PTGER3: variants seen among roughly 807,000 people sequenced by gnomAD.
PTGER3 encodes prostaglandin E2 receptor EP3 subtype.
A neutral mutation model predicts 34.7 loss-of-function variants in PTGER3; 22 were observed. The observed-to-expected ratio is 0.63, with a 90% CI of 0.45 to 0.91. The LOEUF (loss-of-function observed/expected upper bound fraction) is 0.91. Among genes scored for constraint, PTGER3 ranks in the 40% least tolerant of loss-of-function variants. The pLI is 0.00. For synonymous variants in PTGER3, 241 were observed against 230.1 expected (o/e 1.05, Z -0.43); for missense variants, 468 against 519.4 (o/e 0.90, Z 0.96).
downstream of PTGER3, among the ~76,000 whole-genome samples, chr1:70,967,885 T>C (rs926425226): frequency 6.6e-6 from 1 of 152,188 alleles, no homozygotes; most frequent in African/African-American, 2.4e-5. Flanking sequence ...TGTGGATATA[T>C]TTTATTATGT....
intron 1 of PTGER3, among the ~76,000 whole-genome samples, chr1:71,034,358 T>C (rs761451732): frequency 1.1e-4 from 16 of 152,222 alleles, no homozygotes; most frequent in East Asian, 3.8e-4. Flanking sequence ...TATAAGATGA[T>C]ATATATGCTA....
At chr1:70,937,491 C>T (rs1649334175) in intron 4 of PTGER3, among the ~76,000 whole-genome samples, 1 of 152,056 alleles carries the variant, frequency 6.6e-6, no homozygotes, top group Non-Finnish European at 1.5e-5. Flanking sequence ...CCACATAATC[C>T]ATAAAGTACA....
chr1:70,969,432 T>C (rs1212876190), downstream of PTGER3, among the ~76,000 whole-genome samples: 2 of 152,164 alleles, frequency 1.3e-5, no homozygotes, highest in African/African-American at 4.8e-5. Flanking sequence ...TGTCAAACAC[T>C]ACACTAGTGC....
At chr1:70,935,044 G>A (rs540006502) in intron 4 of PTGER3, among the ~76,000 whole-genome samples, 1 of 152,202 alleles carries the variant, frequency 6.6e-6, no homozygotes, top group African/African-American at 2.4e-5. Context: ...TTTATATTCT[G>A]GAGATAGAAA....
At chr1:71,046,379 C>T (rs1233203089) in intron 1 of PTGER3, among the ~76,000 whole-genome samples, 2 of 152,016 alleles carry the variant, frequency 1.3e-5, no homozygotes, top group African/African-American at 2.4e-5. Flanking sequence ...TCTAGCTCTG[C>T]ATATATGTCA....
intron 1 of PTGER3, among the ~76,000 whole-genome samples, chr1:71,027,863 A>C (rs2100933288): frequency 6.6e-6 from 1 of 152,350 alleles, no homozygotes; most frequent in Admixed American, 6.5e-5. Context: ...ATTTAATCTT[A>C]AAACTCTGCT....
intron 4 of PTGER3, among the ~76,000 whole-genome samples, chr1:70,924,796 A>G (rs1647890372): frequency 1.3e-5 from 2 of 152,088 alleles, no homozygotes; most frequent in Middle Eastern, 3.2e-3. Context: ...CTTTCCTAAT[A>G]AACTTGCTTT....
intron 4 of PTGER3, among the ~76,000 whole-genome samples, chr1:70,924,171 A>G (rs1167913815): frequency 6.6e-6 from 1 of 152,154 alleles, no homozygotes; most frequent in African/African-American, 2.4e-5. Flanking sequence ...TTAAAAAAAA[A>G]GTCTTATTTA....
intron 2 of PTGER3, chr1:71,011,785 A>G: frequency 1.0e-6 from 1 of 989,206 alleles, no homozygotes; most frequent in Non-Finnish European, 1.2e-6. Context: ...AGTGACAGAA[A>G]GCGAGAGAGG....
intron 2 of PTGER3, among the ~76,000 whole-genome samples, chr1:70,996,519 T>G (rs1199793994): frequency 1.3e-5 from 2 of 152,148 alleles, no homozygotes; most frequent in South Asian, 2.1e-4. Context: ...CAGGCTGAAG[T>G]GCAGTGGCGC....
intron 4 of PTGER3, among the ~76,000 whole-genome samples, chr1:70,933,674 T>C (rs551604608): frequency 1.3e-3 from 195 of 152,306 alleles, no homozygotes; most frequent in Non-Finnish European, 2.4e-3. Flanking sequence ...TTTGTTCATC[T>C]GTTGGCAACA....
chr1:70,972,771 T>C, intron 3 of PTGER3, among the ~76,000 whole-genome samples: 1 of 151,974 alleles, frequency 6.6e-6, no homozygotes, highest in East Asian at 1.9e-4. Context: ...GATTAAAAAA[T>C]GTATATCATA....
chr1:70,953,094 A>G, intron 3 of PTGER3: 2 of 1,511,090 alleles, frequency 1.3e-6, no homozygotes, highest in South Asian at 2.6e-5. Context: ...AAAAGAAAAT[A>G]ATAAAAAATA....
At chr1:70,919,544 G>A (rs1437933605) in intron 4 of PTGER3, among the ~76,000 whole-genome samples, 6 of 152,146 alleles carry the variant, frequency 3.9e-5, no homozygotes, top group African/African-American at 1.4e-4. Context: ...CTACTTGTAT[G>A]TATTTAAATG....
At chr1:70,891,159 T>C (rs967192379) in intron 4 of PTGER3, among the ~76,000 whole-genome samples, 2 of 152,234 alleles carry the variant, frequency 1.3e-5, no homozygotes, top group South Asian at 4.1e-4. Flanking sequence ...CACCCCATTC[T>C]GTGTCAACCA....
rs755940022 is a variant in PTGER3 at position 70,971,697 on chromosome 1, A to G, written c.*33T>C. The G allele has an allele frequency of 1.3e-6, 2 of 1,556,596 alleles. No individual in the cohort carries two copies. The highest frequency in any genetic ancestry group is 1.7e-6 in the Non-Finnish European group (2 of 1,152,024). On this transcript the variant is annotated 3_prime_UTR_variant, in exon 4 of 4. Transcript: ENST00000306666. ...AAATATGCAAATTCAGGGAAGCAGG[A>G]ATTGCAATAAAATGTCCAACTCCGT...
At chr1:70,969,410 C>G (rs78714070), downstream of PTGER3, among the ~76,000 whole-genome samples, 1,916 of 152,222 alleles carry the variant, frequency 0.013, 40 homozygotes, top group African/African-American at 0.044. Context: ...TAATTAGTAA[C>G]ATCTTTCTAG....
intron 4 of PTGER3, among the ~76,000 whole-genome samples, chr1:70,935,672 AATATAT>A (rs10577850): frequency 3.6e-5 from 5 of 140,218 alleles, no homozygotes; most frequent in South Asian, 4.5e-4. Context: ...TACAAATATA[AATATAT>A]ATATATATAT....
intron 2 of PTGER3, chr1:71,010,749 A>T: frequency 1.0e-6 from 1 of 985,252 alleles, no homozygotes; most frequent in Non-Finnish European, 1.2e-6. Flanking sequence ...CATTAATTAC[A>T]TAAGCACTCT....
Sources: gnomAD v4.1 joint callset for allele counts (sites outside exome capture counted in the v4.1 genomes callset) on GRCh38, gnomAD v4.1.1 for gene constraint, MANE v1.5 for transcripts, NCBI Gene and HGNC (gene_info 2026-07-23, HGNC 2026-07-21) for gene names.